Variants in CYFIP1 observed in about 807,000 individuals in gnomAD.
CYFIP1 encodes the protein cytoplasmic FMR1 interacting protein 1.
A neutral mutation model predicts 163.5 loss-of-function variants in CYFIP1; 58 were observed. That is an observed-to-expected ratio of 0.35 (90% CI 0.29 to 0.44). The LOEUF (loss-of-function observed/expected upper bound fraction) is 0.44, where lower values mean the gene tolerates loss of function less well. Among genes scored for constraint, CYFIP1 ranks in the 20% least tolerant of loss-of-function variants. The pLI, the probability that CYFIP1 is intolerant of heterozygous loss-of-function variation, is 1.00. For missense variants in CYFIP1, 1,338 were observed against 1,653.8 expected (o/e 0.81, Z 3.31); for synonymous variants, 663 against 660.7 (o/e 1.00, Z -0.05).
At chr15:22,922,083 C>T (rs918135643) in intron 13 of CYFIP1, among the ~76,000 whole-genome samples, 1 of 152,144 alleles carries the variant, frequency 6.6e-6, no homozygotes, top group Admixed American at 6.5e-5. Context: ...AAACTCCGCA[C>T]ATCCCCAAGA....
chr15:22,920,877 G>A (rs2061153356), intron 13 of CYFIP1, among the ~76,000 whole-genome samples: 1 of 151,958 alleles, frequency 6.6e-6, no homozygotes, highest in African/African-American at 2.4e-5. Context: ...ACCAAACGAG[G>A]AAAAACCCAT....
rs146831990 is a variant in CYFIP1, at chr15:22,927,618, C to T, written c.1233+288G>A. Among the ~76,000 whole-genome samples the T allele has an allele frequency of 1.1e-4, 16 of 151,694 alleles. No individual in the cohort carries two copies. The East Asian group carries it at 2.5e-3, about 24-fold the overall frequency. ...CTGTAGGGACTTATGTTTGCACCAC[C>T]GCACTCCAGCCTAAGCGACAGGGTG... On this transcript the variant is annotated intron_variant, in intron 12 of 30. Coordinates refer to ENST00000617928, the MANE Select transcript of CYFIP1 (RefSeq NM_014608.6).
At chr15:22,978,142 A>T (rs2063339388) in intron 1 of CYFIP1, among the ~76,000 whole-genome samples, 1 of 151,570 alleles carries the variant, frequency 6.6e-6, no homozygotes, top group African/African-American at 2.4e-5. Flanking sequence ...ACTTGAGGTC[A>T]GGAGTTCAAG....
chr15:22,918,606 T>G, intron 14 of CYFIP1, 86 bp downstream of exon 14: 191 of 1,239,446 alleles, frequency 1.5e-4, no homozygotes, highest in Non-Finnish European at 1.9e-4. Flanking sequence ...AAATCATTTT[T>G]GAGAATTTAA....
At chr15:22,925,038 ACTTT>A (rs2061313864) in intron 13 of CYFIP1, among the ~76,000 whole-genome samples, 1 of 152,086 alleles carries the variant, frequency 6.6e-6, no homozygotes, top group Non-Finnish European at 1.5e-5. Flanking sequence ...CATTTTTATT[ACTTT>A]TCACTGTTGT....
At chr15:22,914,320 G>A (rs1272127449) in intron 17 of CYFIP1, among the ~76,000 whole-genome samples, 1 of 152,138 alleles carries the variant, frequency 6.6e-6, no homozygotes, top group Non-Finnish European at 1.5e-5. Flanking sequence ...AAGTAGGAAC[G>A]TGACTGGTTC....
chr15:22,894,733 C>G (rs1299267421), intron 22 of CYFIP1, among the ~76,000 whole-genome samples: 1 of 150,660 alleles, frequency 6.6e-6, no homozygotes, highest in African/African-American at 2.4e-5. Context: ...TGAAGTAATG[C>G]AATTACTCTT....
At chr15:22,918,996 G>A in intron 13 of CYFIP1, 138 bp from the exon 14 acceptor site, 1 of 649,224 alleles carries the variant, frequency 1.5e-6, no homozygotes, top group South Asian at 2.0e-5. Context: ...CAGCTGCCCT[G>A]CCCCAAAACG....
chr15:22,945,044 A>G lies in CYFIP1; in HGVS notation c.208-105T>C. 2.8e-6 allele frequency: 3 copies of G among 1,073,204 alleles called. No individual in the cohort carries two copies. In the South Asian group the frequency reaches 4.0e-5, roughly 14 times the overall value. The allele number at this position is 1,073,204 out of a possible 1,614,324, so 66.5% of individuals were successfully genotyped here. A position where few individuals can be genotyped will look rare whatever the true frequency, so the allele number is the denominator to read the frequency against. ...CAAAGCGCCACAAACTATCCTAAGC[A>G]CTGTGGCCTGTGTGCCAAGAGACGG... On this transcript the variant is annotated intron_variant, in intron 3 of 30. Transcript: ENST00000617928.
Position 22,874,723 on chromosome 15 carries a change from A to G in CYFIP1, c.3116-79T>C, listed in dbSNP as rs896160681. 8.3e-6 allele frequency: 8 copies of G among 968,122 alleles called. No homozygotes were observed. The Admixed American group carries it at 2.6e-4, about 31-fold the overall frequency. The allele number at this position is 968,122 out of a possible 1,614,324, so 60.0% of individuals were successfully genotyped here. ...TTGCAAAGGTTTACATTTGTTTAAAAAACAAAAGATTTTTAAGTTAACATT... is the reference window on the plus strand; with the variant it reads ...TTGCAAAGGTTTACATTTGTTTAAAGAACAAAAGATTTTTAAGTTAACATT... On this transcript the variant is annotated intron_variant, in intron 27 of 30. Coordinates refer to ENST00000617928, the MANE Select transcript of CYFIP1 (RefSeq NM_014608.6).
Position 22,869,226 on chromosome 15 carries a change from C to CTCT in CYFIP1, c.*799_*801dup, listed in dbSNP as rs1638957010. ...AGGTAACAGAGAGGCACTGAGTAGC[C>CTCT]TCTTCATATCCAGATTGGAGCAGCC... is the stretch of plus-strand genomic sequence containing the variant. On this transcript the variant is annotated 3_prime_UTR_variant, in exon 31 of 31. Transcript: ENST00000617928. The CTCT allele has an allele frequency of 3.3e-5, 5 of 152,234 alleles. No individual in the cohort carries two copies. Among genetic ancestry groups the CTCT allele is most frequent in the Admixed American group, 3.3e-4 (5 of 15,286 alleles). 9.4% of individuals were successfully genotyped at this position (152,234 alleles called of 1,614,324 possible).
chr15:22,967,724 G>A (rs1457313240), intron 1 of CYFIP1, among the ~76,000 whole-genome samples: 1 of 152,160 alleles, frequency 6.6e-6, no homozygotes, highest in Admixed American at 6.5e-5. Context: ...TGACCAGTGA[G>A]GTCAGCCTGA....
In CYFIP1 at chr15:22,947,101, A is replaced by G. The variant is rs765664610; in HGVS notation, c.118-9T>C. ...TTAGTGTTGAAATTTGGCTGAAGGA[A>G]AGGAAGAGAAAAACATCATGTGGGG... On this transcript the variant is annotated splice_polypyrimidine_tract_variant and intron_variant, in intron 2 of 30. Coordinates refer to ENST00000617928, the MANE Select transcript of CYFIP1 (RefSeq NM_014608.6). 1.2e-6 allele frequency: 2 copies of G among 1,614,122 alleles called. No individual in the cohort carries two copies. Among genetic ancestry groups the G allele is most frequent in the Admixed American group, 3.3e-5 (2 of 60,026 alleles).
At chr15:22,923,076 T>A (rs1271234584) in intron 13 of CYFIP1, among the ~76,000 whole-genome samples, 1 of 151,662 alleles carries the variant, frequency 6.6e-6, no homozygotes, top group Admixed American at 6.6e-5. Context: ...TTCTTATATA[T>A]GACACCAAAA....
intron 12 of CYFIP1, 146 bp downstream of exon 12, chr15:22,927,760 C>A: frequency 1.3e-6 from 1 of 759,886 alleles, no homozygotes; most frequent in Non-Finnish European, 1.9e-6. Context: ...ATGAGATGTA[C>A]TTAAAATCAC....
chr15:22,955,373 G>C (rs1192773915), intron 1 of CYFIP1, among the ~76,000 whole-genome samples: 3 of 152,316 alleles, frequency 2.0e-5, no homozygotes, highest in South Asian at 2.1e-4. Flanking sequence ...CCACCCAGGG[G>C]GTCAAGGCCA....
rs1398990355 is a variant in CYFIP1, at chr15:22,873,618, T to C, written c.3322A>G (p.Ile1108Val). ...TRIRSFLDDP[I>V]WRGPLPSNGV... ...TTGCTGGGCAGAGGCCCGCGCCAGA[T>C]GGGGTCATCCAGAAAGCTCCGGATC... The change falls in exon 29 of 31, where the codon ATC becomes GTC. Residue 1108 changes from isoleucine (I) to valine (V), a missense_variant. By Grantham distance (29) the Ile-to-Val change is conservative. This residue lies in a region of CYFIP1 where 306 missense variants were observed against 322.1 expected (regional missense o/e 0.95). Coordinates refer to ENST00000617928, the MANE Select transcript of CYFIP1 (RefSeq NM_014608.6). 8.1e-6 allele frequency: 13 copies of C among 1,614,134 alleles called. No homozygotes were observed. The highest frequency in any genetic ancestry group is 1.1e-5 in the Non-Finnish European group (13 of 1,180,048).
chr15:22,904,658 G>C (rs1273614656), intron 21 of CYFIP1: 1 of 152,170 alleles, frequency 6.6e-6, no homozygotes, highest in Non-Finnish European at 1.5e-5. Flanking sequence ...TCTGACTTGT[G>C]TTCTATTTCT....
At chr15:22,896,429 G>A (rs1043698732) in intron 22 of CYFIP1, among the ~76,000 whole-genome samples, 7 of 151,912 alleles carry the variant, frequency 4.6e-5, no homozygotes, top group Admixed American at 2.0e-4. Flanking sequence ...TCTGCCCCCC[G>A]ACAACCTCTT....
Sources: allele counts gnomAD v4.1 joint callset (sites outside exome capture counted in the v4.1 genomes callset), GRCh38; gene constraint gnomAD v4.1.1; regional missense constraint gnomAD v4.1.1; transcripts MANE v1.5; gene names NCBI Gene and HGNC (gene_info 2026-07-23, HGNC 2026-07-21).